The following ANKRD55 variants were observed in gnomAD, a reference collection of about 807,000 sequenced individuals.
The protein encoded by ANKRD55 is ankyrin repeat domain-containing protein 55.
ANKRD55 carries 41 observed loss-of-function variants against 60.6 expected under a neutral mutation model. That is an observed-to-expected ratio of 0.68 (90% CI 0.53 to 0.88). The LOEUF is 0.88. Ranked by LOEUF, ANKRD55 falls within the 40% of genes least tolerant of loss-of-function variation. The pLI is 0.00. For synonymous variants in ANKRD55, 264 were observed against 290.3 expected (o/e 0.91, Z 0.92); for missense variants, 732 against 767.6 (o/e 0.95, Z 0.55).
chr5:56,130,552 A>C (rs1460934217), intron 7 of ANKRD55, among the ~76,000 whole-genome samples: 1 of 152,208 alleles, frequency 6.6e-6, no homozygotes, highest in Non-Finnish European at 1.5e-5. Context: ...TATTTACAGG[A>C]GTTCCTCTTA....
At chr5:56,216,688 C>T (rs1759820230) in intron 2 of ANKRD55, among the ~76,000 whole-genome samples, 1 of 152,226 alleles carries the variant, frequency 6.6e-6, no homozygotes, top group Admixed American at 6.5e-5. Context: ...GCCACATTTC[C>T]TTAAGCCAAA....
chr5:56,176,858 G>A (rs1196156739), intron 3 of ANKRD55, among the ~76,000 whole-genome samples: 1 of 152,158 alleles, frequency 6.6e-6, no homozygotes, highest in Non-Finnish European at 1.5e-5. Context: ...ACATTTTGAT[G>A]AACTTTGCAG....
At chr5:56,195,223 A>G (rs1480694724) in intron 2 of ANKRD55, among the ~76,000 whole-genome samples, 1 of 152,196 alleles carries the variant, frequency 6.6e-6, no homozygotes, top group Non-Finnish European at 1.5e-5. Flanking sequence ...ACATTCACAA[A>G]TGTTTCATTC....
intron 9 of ANKRD55, among the ~76,000 whole-genome samples, chr5:56,112,908 C>T (rs1756775613): frequency 6.6e-6 from 1 of 152,200 alleles, no homozygotes; most frequent in Non-Finnish European, 1.5e-5. Context: ...ACAGGTCACA[C>T]AGTGCATCCT....
intron 2 of ANKRD55, among the ~76,000 whole-genome samples, chr5:56,205,799 G>C (rs1759490814): frequency 6.6e-6 from 1 of 152,046 alleles, no homozygotes; most frequent in Admixed American, 6.6e-5. Context: ...AATTTGGGTG[G>C]CTGGCTCAAA....
chr5:56,223,174 C>T (rs1020603089), intron 2 of ANKRD55, among the ~76,000 whole-genome samples: 2 of 152,126 alleles, frequency 1.3e-5, no homozygotes, highest in African/African-American at 4.8e-5. Context: ...ACTCTACAAG[C>T]CAGAAGAGAG....
At chr5:56,186,123 G>A (rs1758967705) in intron 2 of ANKRD55, among the ~76,000 whole-genome samples, 1 of 152,112 alleles carries the variant, frequency 6.6e-6, no homozygotes, top group African/African-American at 2.4e-5. Flanking sequence ...CAGCTGTGTG[G>A]ATTTGGACCG....
chr5:56,221,586 C>T (rs539082565), intron 2 of ANKRD55, among the ~76,000 whole-genome samples: 24 of 152,318 alleles, frequency 1.6e-4, no homozygotes, highest in African/African-American at 5.3e-4. Flanking sequence ...GGGGGAATTC[C>T]CTTTCCTAGC....
chr5:56,223,820 C>T (rs1760033245), intron 2 of ANKRD55, among the ~76,000 whole-genome samples: 1 of 152,184 alleles, frequency 6.6e-6, no homozygotes, highest in South Asian at 2.1e-4. Flanking sequence ...AATACAGGAG[C>T]ACCTAGATTC....
chr5:56,158,099 T>G (rs1410079119), intron 6 of ANKRD55, among the ~76,000 whole-genome samples: 2 of 152,034 alleles, frequency 1.3e-5, no homozygotes. Context: ...GAGAATTTCT[T>G]GAATCTGGGA....
intron 2 of ANKRD55, among the ~76,000 whole-genome samples, chr5:56,231,124 G>A (rs757142366): frequency 6.6e-6 from 1 of 152,086 alleles, no homozygotes; most frequent in Non-Finnish European, 1.5e-5. Flanking sequence ...TCTGATCTAC[G>A]TCTATAAGAT....
chr5:56,141,693 A>G (rs1037092864), intron 7 of ANKRD55, among the ~76,000 whole-genome samples: 4 of 152,162 alleles, frequency 2.6e-5, no homozygotes, highest in African/African-American at 9.7e-5. Context: ...CTGTCTGTTC[A>G]TCTTCATCCT....
chr5:56,116,145 G>A (rs1048270827), intron 9 of ANKRD55, among the ~76,000 whole-genome samples: 17 of 152,122 alleles, frequency 1.1e-4, no homozygotes, highest in Non-Finnish European at 1.5e-4. Context: ...ATGAGCCACC[G>A]CACCTGGCCG....
At chr5:56,188,050 C>G (rs1217158804) in intron 2 of ANKRD55, among the ~76,000 whole-genome samples, 1 of 152,196 alleles carries the variant, frequency 6.6e-6, no homozygotes. Context: ...ACTACTTCCT[C>G]TCCTCTTCTA....
intron 8 of ANKRD55, among the ~76,000 whole-genome samples, chr5:56,119,717 C>A (rs1184865002): frequency 2.0e-5 from 3 of 151,990 alleles, no homozygotes; most frequent in African/African-American, 7.3e-5. Flanking sequence ...AGTTCGACAC[C>A]AGCCTGGGCA....
chr5:56,228,127 T>A (rs1760164626), intron 2 of ANKRD55, among the ~76,000 whole-genome samples: 1 of 152,188 alleles, frequency 6.6e-6, no homozygotes, highest in African/African-American at 2.4e-5. Context: ...AACCTGTGGC[T>A]ATTCCCTTAC....
chr5:56,116,823 G>A (rs1214172079), intron 8 of ANKRD55, 41 bp from the exon 9 acceptor site: 10 of 1,518,308 alleles, frequency 6.6e-6, no homozygotes, highest in Non-Finnish European at 8.8e-6. Flanking sequence ...GTCTGAGCAT[G>A]TGAATTGTTC....
chr5:56,147,319 T>C (rs1366982992), intron 6 of ANKRD55, among the ~76,000 whole-genome samples: 1 of 152,192 alleles, frequency 6.6e-6, no homozygotes, highest in Non-Finnish European at 1.5e-5. Context: ...CACATCATGG[T>C]GGTAGAATTT....
intron 10 of ANKRD55, among the ~76,000 whole-genome samples, chr5:56,107,791 G>GC (rs1227811010): frequency 6.6e-6 from 1 of 152,112 alleles, no homozygotes. Context: ...GATGGAAAGA[G>GC]CCTATGTTGC....
Sources: allele counts gnomAD v4.1 joint callset (sites outside exome capture counted in the v4.1 genomes callset), GRCh38; gene constraint gnomAD v4.1.1; transcripts MANE v1.5; gene names NCBI Gene and HGNC (gene_info 2026-07-23, HGNC 2026-07-21).